Variants in SHISAL1 observed in about 807,000 individuals in gnomAD.
SHISAL1 encodes shisa like 1.
A neutral mutation model predicts 22.6 loss-of-function variants in SHISAL1; 9 were observed. The observed-to-expected ratio is 0.40, with a 90% CI of 0.24 to 0.70. The LOEUF (loss-of-function observed/expected upper bound fraction) is 0.70. SHISAL1 is among the 30% of genes least tolerant of loss of function. The pLI is 0.39. For synonymous variants in SHISAL1, 119 were observed against 115.4 expected, an observed-to-expected ratio of 1.03 and a Z score of -0.20; for missense variants, 246 against 270.6, an observed-to-expected ratio of 0.91 and a Z score of 0.64.
Position 44,247,184 on chromosome 22 carries a change from T to C in SHISAL1, c.*2501A>G, listed in dbSNP as rs1487921046. The C allele has an allele frequency of 6.6e-6, 1 of 152,212 alleles. No individual in the cohort carries two copies. The highest frequency in any genetic ancestry group is 1.5e-5 in the Non-Finnish European group (1 of 68,102). The allele number at this position is 152,212 out of a possible 1,614,324, so 9.4% of individuals were successfully genotyped here. On this transcript the variant is annotated 3_prime_UTR_variant, in exon 5 of 5. Coordinates refer to ENST00000381176, the MANE Select transcript of SHISAL1 (RefSeq NM_001099294.2). Reference sequence around the variant, plus strand: ...GGCAGAGGAAGCACCTACAGAGCATTGTCCAGGACAGCAGGACACGAGGGT... The same window carrying C: ...GGCAGAGGAAGCACCTACAGAGCATCGTCCAGGACAGCAGGACACGAGGGT...
At chr22:44,316,769 C>T (rs1470409333), upstream of SHISAL1, among the ~76,000 whole-genome samples, 2 of 152,196 alleles carry the variant, frequency 1.3e-5, no homozygotes, top group East Asian at 1.9e-4. Context: ...TCCCCAGCAC[C>T]TGCAAGTCTG....
intron 1 of SHISAL1, among the ~76,000 whole-genome samples, chr22:44,304,126 C>T (rs2055453440): frequency 6.6e-6 from 1 of 152,158 alleles, no homozygotes; most frequent in Admixed American, 6.5e-5. Context: ...AGCTGCCTTG[C>T]CCTCCAGAGC....
At chr22:44,249,918 A>G (rs184202866) in intron 4 of SHISAL1, among the ~76,000 whole-genome samples, 3 of 152,242 alleles carry the variant, frequency 2.0e-5, no homozygotes, top group Non-Finnish European at 4.4e-5. Context: ...AAGAAAAATA[A>G]GCATAGAATA....
At chr22:44,271,685 C>T (rs1036290840) in intron 4 of SHISAL1, among the ~76,000 whole-genome samples, 9 of 152,264 alleles carry the variant, frequency 5.9e-5, no homozygotes, top group African/African-American at 2.2e-4. Flanking sequence ...CTCTGCCCTG[C>T]AAAGCCTAAT....
rs889295062 is a variant in SHISAL1 at position 44,247,222 on chromosome 22, A to G, written c.*2463T>C. On this transcript the variant is annotated 3_prime_UTR_variant, in exon 5 of 5. Coordinates refer to ENST00000381176, the MANE Select transcript of SHISAL1 (RefSeq NM_001099294.2). ...AGGACACGAGGGTTGCAAACTCCTT[A>G]AATACCCATCTGACTCCTTCCTCTT... 1.3e-5 allele frequency: 2 copies of G among 152,148 alleles called. No homozygotes were observed. The highest frequency in any genetic ancestry group is 2.9e-5 in the Non-Finnish European group (2 of 68,070). 9.4% of individuals were successfully genotyped at this position (152,148 alleles called of 1,614,324 possible).
rs7410282 is a variant in SHISAL1, at chr22:44,303,059, G to T, written c.-32-2082C>A. ...TCTCCCATAGGAGTTGGAAACGGAG[G>T]CTAGGACAGGCCATCTAAGTGCTCT... On this transcript the variant is annotated intron_variant, in intron 1 of 4. Transcript: ENST00000381176. Among the ~76,000 whole-genome samples, 504 of 152,090 alleles carry T rather than the reference G, an allele frequency of 3.3e-3. 5 individuals are homozygous for T. Among genetic ancestry groups the T allele is most frequent in the Admixed American group, 0.021 (324 of 15,246 alleles).
chr22:44,314,380 T>C (rs2055544138), upstream of SHISAL1, among the ~76,000 whole-genome samples: 1 of 152,212 alleles, frequency 6.6e-6, no homozygotes, highest in Admixed American at 6.5e-5. Flanking sequence ...CATGTTTCTC[T>C]GTCTCTCTGA....
At chr22:44,274,405 G>T (rs1171107158) in intron 4 of SHISAL1, among the ~76,000 whole-genome samples, 1 of 152,116 alleles carries the variant, frequency 6.6e-6, no homozygotes, top group East Asian at 1.9e-4. Context: ...CTGGACTCAG[G>T]AATCTCCCTG....
chr22:44,260,410 T>C (rs1447882235), intron 4 of SHISAL1, among the ~76,000 whole-genome samples: 3 of 152,148 alleles, frequency 2.0e-5, no homozygotes, highest in African/African-American at 7.2e-5. Context: ...CAGGACCTGG[T>C]GACAATTCAG....
At chr22:44,314,193 C>A (rs1017905549), upstream of SHISAL1, among the ~76,000 whole-genome samples, 1 of 3,224 alleles carries the variant, frequency 3.1e-4, no homozygotes, top group Non-Finnish European at 5.6e-4. Context: ...ATGAGTCGGG[C>A]GGTGGGGCGG....
upstream of SHISAL1, among the ~76,000 whole-genome samples, chr22:44,314,693 A>C (rs2055546337): frequency 6.6e-6 from 1 of 152,076 alleles, no homozygotes; most frequent in Non-Finnish European, 1.5e-5. Flanking sequence ...GTGGGGGAGG[A>C]AAAGCACCAA....
chr22:44,300,949 C>T lies in SHISAL1; in HGVS notation c.-4G>A. The T allele has an allele frequency of 6.2e-7, 1 of 1,614,142 alleles. No homozygotes were observed. The highest frequency in any genetic ancestry group is 8.5e-7 in the Non-Finnish European group (1 of 1,179,968). On this transcript the variant is annotated 5_prime_UTR_variant, in exon 2 of 5. Transcript: ENST00000381176. ...ACTGCTGGCCACAACTGGTCATCGT[C>T]TGGCTTGCATTGATCCGTCCAGAGC...
intron 4 of SHISAL1, among the ~76,000 whole-genome samples, chr22:44,259,442 T>C (rs542589989): frequency 2.2e-3 from 291 of 133,788 alleles, no homozygotes; most frequent in African/African-American, 7.6e-3. Context: ...TGTCTAAAAA[T>C]AGAATAGAAT....
chr22:44,329,200 C>T, the SHISAL1 span, among the ~76,000 whole-genome samples: 2 of 152,196 alleles, frequency 1.3e-5, no homozygotes, highest in Non-Finnish European at 2.9e-5. Context: ...CCCTTCAGCA[C>T]AGGCATGGGG....
the SHISAL1 span, among the ~76,000 whole-genome samples, chr22:44,329,234 G>A: frequency 3.3e-5 from 5 of 152,224 alleles, no homozygotes; most frequent in African/African-American, 9.6e-5. Context: ...GCTGAAGAAG[G>A]GGAGTGAAGG....
intron 4 of SHISAL1, among the ~76,000 whole-genome samples, chr22:44,260,974 G>C (rs2055118625): frequency 6.6e-6 from 1 of 151,546 alleles, no homozygotes; most frequent in African/African-American, 2.4e-5. Context: ...TGGTGGACCC[G>C]GGAGGGAAGG....
At chr22:44,273,537 C>A (rs73430757) in intron 4 of SHISAL1, among the ~76,000 whole-genome samples, 2,843 of 152,314 alleles carry the variant, frequency 0.019, 101 homozygotes, top group African/African-American at 0.065. Context: ...AACAGGCTCC[C>A]AAAATTCCTA....
At chr22:44,314,689 G>A (rs924543590), upstream of SHISAL1, among the ~76,000 whole-genome samples, 26 of 152,120 alleles carry the variant, frequency 1.7e-4, no homozygotes, top group Non-Finnish European at 3.7e-4. Flanking sequence ...AACTGTGGGG[G>A]AGGAAAAGCA....
intron 1 of SHISAL1, among the ~76,000 whole-genome samples, chr22:44,302,473 G>A (rs2055438115): frequency 6.6e-6 from 1 of 152,224 alleles, no homozygotes; most frequent in Non-Finnish European, 1.5e-5. Context: ...GGGGAGTGGT[G>A]CCGAGAATGG....
Sources: gnomAD v4.1 joint callset for allele counts (sites outside exome capture counted in the v4.1 genomes callset) on GRCh38, gnomAD v4.1.1 for gene constraint, MANE v1.5 for transcripts, NCBI Gene and HGNC (gene_info 2026-07-23, HGNC 2026-07-21) for gene names.